The following RET variants were observed in gnomAD, a reference collection of about 807,000 sequenced individuals.
RET encodes ret proto-oncogene.
A neutral mutation model predicts 118.3 loss-of-function variants in RET; 19 were observed. That is an observed-to-expected ratio of 0.16 (90% confidence interval 0.11 to 0.24). The LOEUF (loss-of-function observed/expected upper bound fraction) is 0.24. Among genes scored for constraint, RET ranks in the 10% least tolerant of loss-of-function variants. RET has a pLI of 1.00. For synonymous variants in RET, 597 were observed against 644.1 expected (o/e 0.93, Z 1.11); for missense variants, 1,219 against 1,502.1 (o/e 0.81, Z 3.12).
In RET at chr10:43,126,598, C is replaced by T. The variant is rs1311440703; in HGVS notation, c.3063C>T (p.Ser1021=). The change falls in exon 19 of 20, where the codon TCC becomes TCT. Residue 1021 remains serine (S), a synonymous_variant. Transcript: ENST00000355710. The part of the protein sequence containing the change: ...KRRDYLDLAA[S]TPSDSLIYDD... ...AGGACTACTTGGACCTTGCGGCGTCCACTCCATCTGACTCCCTGATTTATG... is the reference window on the plus strand; with the variant it reads ...AGGACTACTTGGACCTTGCGGCGTCTACTCCATCTGACTCCCTGATTTATG... The T allele has an allele frequency of 3.1e-6, 5 of 1,614,150 alleles. 1 individual carries two copies. In the South Asian group the frequency reaches 5.5e-5, roughly 18 times the overall value.
chr10:43,086,902 G>T (rs772142939), intron 1 of RET, among the ~76,000 whole-genome samples: 1 of 152,370 alleles, frequency 6.6e-6, no homozygotes, highest in Non-Finnish European at 1.5e-5. Context: ...GCAGAAGGTA[G>T]CCTTGGGCTG....
intron 7 of RET, 140 bp from the exon 8 acceptor site, chr10:43,111,959 G>T (rs2132791439): frequency 2.4e-6 from 3 of 1,236,636 alleles, no homozygotes; most frequent in Non-Finnish European, 3.4e-6. Context: ...CACTGTCTTT[G>T]CTGCCCTGGG....
rs2132842285 is a variant in RET at position 43,114,454 on chromosome 10, A to G, written c.1880-26A>G. ...GTGGTGCCGAGCCTCTGGCGGTGCC[A>G]AGCCTCACACCACCCCCACCCACAG... is the stretch of plus-strand genomic sequence containing the variant. On this transcript the variant is annotated intron_variant, in intron 10 of 19. Coordinates refer to ENST00000355710, the MANE Select transcript of RET (RefSeq NM_020975.6). The surrounding 1 kb of genome is among the most constrained non-coding windows in gnomAD (Gnocchi z 4.6). The G allele has an allele frequency of 6.2e-7, 1 of 1,604,178 alleles. No individual in the cohort carries two copies. Among genetic ancestry groups the G allele is most frequent in the African/African-American group, 1.3e-5 (1 of 74,944 alleles).
chr10:43,099,296 G>A (rs1156830577), intron 1 of RET, among the ~76,000 whole-genome samples: 2 of 152,172 alleles, frequency 1.3e-5, no homozygotes, highest in Admixed American at 6.5e-5. Context: ...GATCGCCGGA[G>A]GTTGAGAGTT....
At chr10:43,089,161 C>T (rs1034118285) in intron 1 of RET, among the ~76,000 whole-genome samples, 3 of 152,244 alleles carry the variant, frequency 2.0e-5, no homozygotes, top group South Asian at 2.1e-4. Flanking sequence ...GGTCAGGCAG[C>T]GTCCGCTCAG....
In RET at chr10:43,102,453, T is replaced by C; in HGVS notation, c.449T>C (p.Phe150Ser). ...TGTGCCCGCGTATACTTCTCCTTCT[T>C]CAACACCTCCTTTCCAGCCTGCAGC... is the stretch of plus-strand genomic sequence containing the variant. Reference protein sequence around the residue: ...PGCARVYFSFFNTSFPACSSL... With the variant: ...PGCARVYFSFSNTSFPACSSL... Residue 150 changes from phenylalanine (F) to serine (S), a missense_variant, in exon 3 of 20, where the codon TTC (phenylalanine) becomes TCC (serine). Physicochemically the swap from Phe to Ser is radical, Grantham distance 155. This residue lies in a region of RET where 850 missense variants were observed against 969.6 expected (regional missense o/e 0.88). Coordinates refer to ENST00000355710, the MANE Select transcript of RET (RefSeq NM_020975.6). The C allele has an allele frequency of 6.2e-7, 1 of 1,614,236 alleles. No homozygotes were observed. The highest frequency in any genetic ancestry group is 1.1e-5 in the South Asian group (1 of 91,084).
intron 13 of RET, 127 bp from the exon 14 acceptor site, chr10:43,119,404 G>A (rs528905199): frequency 1.4e-6 from 1 of 708,046 alleles, no homozygotes; most frequent in Non-Finnish European, 2.4e-6. Flanking sequence ...GCCTGAGGCA[G>A]GGCTGTGTCC....
chr10:43,096,976 C>T (rs1019886154), intron 1 of RET, among the ~76,000 whole-genome samples: 16 of 152,182 alleles, frequency 1.1e-4, no homozygotes, highest in African/African-American at 3.9e-4. Flanking sequence ...GCAGAGACCA[C>T]CTGGGAGGCA....
At position 43,106,295 on chromosome 10, in the gene RET, C is replaced by T; in HGVS notation, c.868-81C>T. ...CCACCTATGGGCTGTGTGGGACGTG[C>T]AGCATTCTAAGGTCTCTGGTTTTGG... On this transcript the variant is annotated intron_variant, in intron 4 of 19. Transcript: ENST00000355710. The surrounding 1 kb of genome is among the most constrained non-coding windows in gnomAD (Gnocchi z 5.1). The T allele has an allele frequency of 1.5e-6, 2 of 1,351,972 alleles. No individual in the cohort carries two copies. Among genetic ancestry groups the T allele is most frequent in the Non-Finnish European group, 2.1e-6 (2 of 964,536 alleles). 83.7% of individuals were successfully genotyped at this position (1,351,972 alleles called of 1,614,324 possible).
At chr10:43,112,435 G>A (rs909618553) in intron 8 of RET, among the ~76,000 whole-genome samples, 65 of 152,348 alleles carry the variant, frequency 4.3e-4, no homozygotes, top group Non-Finnish European at 4.7e-4. Flanking sequence ...TCCCCAGGCC[G>A]GATTCACTCT....
intron 15 of RET, among the ~76,000 whole-genome samples, chr10:43,121,040 C>T (rs1186923079): frequency 6.6e-6 from 1 of 152,146 alleles, no homozygotes; most frequent in Non-Finnish European, 1.5e-5. Flanking sequence ...TGAGCTGTTC[C>T]GTTTCTTCTG....
rs900364117 is a variant in RET at position 43,096,684 on chromosome 10, C to G, written c.74-3775C>G. ...CTGCACAGTCCGGTGGTTCCTGATG[C>G]CAGCAGCTGTTCCCCAGCTCTCCCC... is the stretch of plus-strand genomic sequence containing the variant. On this transcript the variant is annotated intron_variant, in intron 1 of 19. Transcript: ENST00000355710. Among the ~76,000 whole-genome samples the G allele has an allele frequency of 3.9e-5, 6 of 152,214 alleles. No individual in the cohort carries two copies. In the South Asian group the frequency reaches 8.3e-4, roughly 21 times the overall value.
At chr10:43,110,607 CAGG>C (rs758175821) in intron 6 of RET, among the ~76,000 whole-genome samples, 1 of 152,270 alleles carries the variant, frequency 6.6e-6, no homozygotes, top group East Asian at 1.9e-4. Context: ...CTGGCATCCC[CAGG>C]AGAAGAGGCT....
chr10:43,109,320 C>A, intron 6 of RET, 90 bp downstream of exon 6: 1 of 1,283,886 alleles, frequency 7.8e-7, no homozygotes, highest in Non-Finnish European at 1.1e-6. Context: ...CCTCTTGGCC[C>A]AACCAGCACA....
chr10:43,116,704 A>C lies in RET; in HGVS notation c.2257A>C (p.Thr753Pro). Residue 753 changes from threonine (T) to proline (P), a missense_variant, in exon 12 of 20, where the codon ACC becomes CCC. Physicochemically the swap from Thr to Pro is conservative, Grantham distance 38. Coordinates refer to ENST00000355710, the MANE Select transcript of RET (RefSeq NM_020975.6). ...AFHLKGRAGY[T>P]TVAVKMLKEN... is the part of the protein sequence containing the mutation. ...CCATCTGAAAGGCAGAGCAGGGTAC[A>C]CCACGGTGGCCGTGAAGATGCTGAA... 1.3e-6 allele frequency: 2 copies of C among 1,537,380 alleles called. No homozygotes were observed. Among genetic ancestry groups the C allele is most frequent in the Non-Finnish European group, 8.8e-7 (1 of 1,131,478 alleles).
At chr10:43,116,828 C>G in intron 12 of RET, 97 bp downstream of exon 12, 1 of 1,469,426 alleles carries the variant, frequency 6.8e-7, no homozygotes. Flanking sequence ...TGAAGAGCCC[C>G]CAATGCTGTT....
Position 43,105,054 on chromosome 10 carries a change from G to A in RET, c.728G>A (p.Cys243Tyr). The change falls in exon 4 of 20, where the codon TGC becomes TAC. Residue 243 changes from cysteine to tyrosine, a missense_variant. Physicochemically the swap from Cys to Tyr is radical, Grantham distance 194. Transcript: ENST00000355710. ...QREKYELVAV[C>Y]TVHAGAREEV... ...GAGAAGTACGAGCTGGTGGCCGTGTGCACCGTGCACGCCGGCGCGCGCGAG... is the reference window on the plus strand; with the variant it reads ...GAGAAGTACGAGCTGGTGGCCGTGTACACCGTGCACGCCGGCGCGCGCGAG... 1 of 1,608,812 alleles carries A rather than the reference G, an allele frequency of 6.2e-7. No homozygotes were observed. Among genetic ancestry groups the A allele is most frequent in the South Asian group, 1.1e-5 (1 of 90,942 alleles).
intron 1 of RET, among the ~76,000 whole-genome samples, chr10:43,093,262 C>T (rs1174173973): frequency 6.6e-6 from 1 of 151,910 alleles, no homozygotes; most frequent in Admixed American, 6.6e-5. Flanking sequence ...CTCCTCTGTG[C>T]GAGATTGCCT....
At position 43,105,108 on chromosome 10, in the gene RET, C is replaced by T. The variant is rs2132707069; in HGVS notation, c.782C>T (p.Thr261Ile). Residue 261 changes from threonine (T) to isoleucine (I), a missense_variant, in exon 4 of 20, where the codon ACC becomes ATC. Around this residue, in one of 5 missense-constraint regions of RET, gnomAD observed 850 missense variants for 969.6 expected, o/e 0.88. Coordinates refer to ENST00000355710, the MANE Select transcript of RET (RefSeq NM_020975.6). ...GTGGTGATGGTGCCCTTCCCGGTGA[C>T]CGTGTACGACGAGGACGACTCGGCG... ...EEVVMVPFPV[T>I]VYDEDDSAPT... The T allele has an allele frequency of 6.2e-7, 1 of 1,612,448 alleles. No individual in the cohort carries two copies. The highest frequency in any genetic ancestry group is 8.5e-7 in the Non-Finnish European group (1 of 1,179,826).
Sources: gnomAD v4.1 joint callset for allele counts (sites outside exome capture counted in the v4.1 genomes callset) on GRCh38, gnomAD v4.1.1 for gene constraint, gnomAD v4.1.1 regional missense constraint, Gnocchi (gnomAD v3.1) non-coding constraint, MANE v1.5 for transcripts, NCBI Gene and HGNC (gene_info 2026-07-23, HGNC 2026-07-21) for gene names.